Variants in DOCK9 observed in about 807,000 individuals in gnomAD.
DOCK9 encodes dedicator of cytokinesis protein 9.
In DOCK9, 89 loss-of-function variants were observed where a neutral mutation model predicts 263.3. That is an observed-to-expected ratio of 0.34 (90% CI 0.28 to 0.40). The LOEUF is 0.40. Ranked by LOEUF, DOCK9 falls within the 10% of genes least tolerant of loss-of-function variation. The pLI is 1.00. For synonymous variants in DOCK9, 976 were observed against 973.1 expected (o/e 1.00, Z -0.06); for missense variants, 2,140 against 2,603.4 (o/e 0.82, Z 3.87).
At chr13:99,071,680 T>C (rs1018411331) in intron 1 of DOCK9, among the ~76,000 whole-genome samples, 37 of 152,212 alleles carry the variant, frequency 2.4e-4, no homozygotes, top group African/African-American at 8.4e-4. Context: ...TAGGTGTAAC[T>C]GTACTGAAAT....
chr13:98,955,134 G>A (rs144924716), intron 2 of DOCK9, among the ~76,000 whole-genome samples: 4 of 152,134 alleles, frequency 2.6e-5, no homozygotes, highest in Non-Finnish European at 5.9e-5. Context: ...CCTGGCCACC[G>A]TGGCAAAACC....
chr13:98,839,270 C>T (rs537963030), intron 38 of DOCK9, among the ~76,000 whole-genome samples: 5 of 152,174 alleles, frequency 3.3e-5, no homozygotes, highest in African/African-American at 7.2e-5. Context: ...TTTTGGGGTA[C>T]GAAATCTCCC....
intron 9 of DOCK9, among the ~76,000 whole-genome samples, chr13:98,910,305 T>C (rs1290597215): frequency 4.6e-5 from 7 of 152,206 alleles, no homozygotes; most frequent in Non-Finnish European, 1.0e-4. Context: ...AAAATATTTA[T>C]AAGACTGATG....
chr13:99,070,453 G>C (rs758884773), intron 1 of DOCK9, among the ~76,000 whole-genome samples: 1 of 151,702 alleles, frequency 6.6e-6, no homozygotes, highest in South Asian at 2.1e-4. Flanking sequence ...TGCTTACTGC[G>C]TTTTTTTTGC....
chr13:99,026,605 G>C (rs1886756892), intron 1 of DOCK9, among the ~76,000 whole-genome samples: 1 of 152,290 alleles, frequency 6.6e-6, no homozygotes, highest in East Asian at 1.9e-4. Context: ...CTGGACCTGA[G>C]GGCCAAGCCA....
At position 98,889,262 on chromosome 13, in the gene DOCK9, G is replaced by A. The variant is rs540497009; in HGVS notation, c.1710-551C>T. Among the ~76,000 whole-genome samples the A allele has an allele frequency of 4.6e-5, 7 of 152,208 alleles. No individual in the cohort carries two copies. In the South Asian group the frequency reaches 1.2e-3, roughly 27 times the overall value. On this transcript the variant is annotated intron_variant, in intron 15 of 52. Coordinates refer to ENST00000682017, the MANE Select transcript of DOCK9 (RefSeq NM_001366683.2). ...GTGGGAAAGGGTGGGAGTGGGGTGA[G>A]GGAAAAAAGACTACACATTGGGTAC...
intron 1 of DOCK9, among the ~76,000 whole-genome samples, chr13:98,983,892 C>T (rs1342508810): frequency 1.3e-5 from 2 of 152,102 alleles, no homozygotes; most frequent in East Asian, 3.9e-4. Flanking sequence ...GCTGTGATTA[C>T]AGGTGTGAGC....
At chr13:99,068,529 C>T (rs934376736) in intron 1 of DOCK9, among the ~76,000 whole-genome samples, 2 of 152,160 alleles carry the variant, frequency 1.3e-5, no homozygotes, top group Non-Finnish European at 2.9e-5. Flanking sequence ...CTGCAGTGAG[C>T]CCAGATCGCG....
chr13:98,875,310 C>T (rs1262685750), intron 27 of DOCK9, among the ~76,000 whole-genome samples: 1 of 119,308 alleles, frequency 8.4e-6, no homozygotes, highest in African/African-American at 2.9e-5. Context: ...AGCATTCTAC[C>T]TATCACATAT....
At chr13:98,818,122 A>C (rs74111309) in intron 45 of DOCK9, among the ~76,000 whole-genome samples, 48 of 152,368 alleles carry the variant, frequency 3.2e-4, no homozygotes, top group African/African-American at 1.1e-3. Flanking sequence ...TTACAAAAGT[A>C]AGTCCACCTC....
At chr13:99,031,043 C>A (rs1488447975) in intron 1 of DOCK9, among the ~76,000 whole-genome samples, 1 of 151,356 alleles carries the variant, frequency 6.6e-6, no homozygotes, top group African/African-American at 2.4e-5. Flanking sequence ...TCCAAAAACT[C>A]ATGTAAATTA....
chr13:98,845,786 C>T (rs2093370914), intron 38 of DOCK9, 138 bp downstream of exon 38: 11 of 1,156,916 alleles, frequency 9.5e-6, no homozygotes, highest in Middle Eastern at 2.9e-4. Context: ...GGGAACTGTG[C>T]CATGAGCTCT....
intron 9 of DOCK9, 79 bp downstream of exon 9, chr13:98,914,249 T>G (rs1050485307): frequency 8.1e-7 from 1 of 1,237,218 alleles, no homozygotes; most frequent in African/African-American, 1.5e-5. Flanking sequence ...TTCAACAGAT[T>G]CCATTCTGGA....
chr13:98,950,781 G>A (rs561233757), intron 2 of DOCK9, among the ~76,000 whole-genome samples: 1 of 152,308 alleles, frequency 6.6e-6, no homozygotes, highest in African/African-American at 2.4e-5. Context: ...TAAGTAAGCT[G>A]TGTAACAAGT....
chr13:98,885,796 C>A lies in DOCK9; in HGVS notation c.2172G>T (p.Lys724Asn). The A allele has an allele frequency of 6.2e-7, 1 of 1,611,602 alleles. No homozygotes were observed. Residue 724 changes from lysine (K) to asparagine (N), a missense_variant, in exon 20 of 53, where the codon AAG (lysine) becomes AAT (asparagine). This residue lies in a region of DOCK9 where 1,521 missense variants were observed against 1,741.7 expected (regional missense o/e 0.87). Coordinates refer to ENST00000682017, the MANE Select transcript of DOCK9 (RefSeq NM_001366683.2). ...KIELPTQLHEKHHLLLTFFHV... is the reference protein window; with the variant it reads ...KIELPTQLHENHHLLLTFFHV... ...GGAAGAATGTGAGCAACAGGTGGTG[C>A]TTTTCATGCAGCTGAGTGGGCAACT... is the stretch of plus-strand genomic sequence containing the variant.
chr13:98,807,745 C>A lies in DOCK9; in HGVS notation c.5430G>T (p.Leu1810=). Residue 1810 remains leucine, a synonymous_variant, in exon 48 of 53, where the codon CTG becomes CTT. Coordinates refer to ENST00000682017, the MANE Select transcript of DOCK9 (RefSeq NM_001366683.2). ...TAAGGAGTCTCTGAGAAATTTCCGA[C>A]AGCGGTGTGAGTTTGGGTTCCTTGT... is the stretch of plus-strand genomic sequence containing the variant. The part of the protein sequence containing the change: ...YIYKEPKLTP[L]SEISQRLLKL... The A allele has an allele frequency of 6.2e-7, 1 of 1,613,760 alleles. No individual in the cohort carries two copies. Among genetic ancestry groups the A allele is most frequent in the Non-Finnish European group, 8.5e-7 (1 of 1,179,726 alleles).
intron 1 of DOCK9, among the ~76,000 whole-genome samples, chr13:99,050,498 C>A (rs532948618): frequency 1.4e-4 from 21 of 152,190 alleles, no homozygotes; most frequent in African/African-American, 4.6e-4. Context: ...TCAAGACCAG[C>A]CTGGCCAACG....
chr13:98,888,790 G>T (rs1366774907), intron 15 of DOCK9, 79 bp from the exon 16 acceptor site: 4 of 1,217,268 alleles, frequency 3.3e-6, no homozygotes, highest in African/African-American at 3.0e-5. Context: ...ACTTCCAAGA[G>T]AAATATAAAG....
chr13:98,914,903 T>C (rs2050641557), intron 8 of DOCK9, among the ~76,000 whole-genome samples: 1 of 152,214 alleles, frequency 6.6e-6, no homozygotes, highest in South Asian at 2.1e-4. Context: ...TTACTAATAT[T>C]TTATAATACA....
Sources: gnomAD v4.1 joint callset for allele counts (sites outside exome capture counted in the v4.1 genomes callset) on GRCh38, gnomAD v4.1.1 for gene constraint, gnomAD v4.1.1 regional missense constraint, MANE v1.5 for transcripts, NCBI Gene and HGNC (gene_info 2026-07-23, HGNC 2026-07-21) for gene names.